The following CSGALNACT1 variants were observed in gnomAD, a reference collection of about 807,000 sequenced individuals.
CSGALNACT1 encodes beta4GalNAcT-1.
A neutral mutation model predicts 51.0 loss-of-function variants in CSGALNACT1; 52 were observed. The ratio of observed to expected loss-of-function variants is 1.02; its 90% CI spans 0.82 to 1.29. CSGALNACT1 has a LOEUF of 1.29. Ranked by LOEUF, CSGALNACT1 falls within the 50% of genes most tolerant of loss-of-function variation. The pLI, the probability that CSGALNACT1 is intolerant of heterozygous loss-of-function variation, is 0.00. For missense variants in CSGALNACT1, 935 were observed against 679.2 expected (o/e 1.38, Z -4.19); for synonymous variants, 341 against 254.4 (o/e 1.34, Z -3.24).
At chr8:19,462,582 G>A (rs904063433) in intron 4 of CSGALNACT1, among the ~76,000 whole-genome samples, 1 of 152,188 alleles carries the variant, frequency 6.6e-6, no homozygotes, top group African/African-American at 2.4e-5. Context: ...CAGGGTGACA[G>A]AGATCCCCAG....
chr8:19,492,306 T>C (rs1265864641), intron 4 of CSGALNACT1, among the ~76,000 whole-genome samples: 1 of 152,210 alleles, frequency 6.6e-6, no homozygotes, highest in Non-Finnish European at 1.5e-5. Flanking sequence ...GCCCTCACGA[T>C]GAAATCAACC....
At chr8:19,735,181 T>G (rs2063904147) in intron 1 of CSGALNACT1, among the ~76,000 whole-genome samples, 1 of 152,132 alleles carries the variant, frequency 6.6e-6, no homozygotes, top group Non-Finnish European at 1.5e-5. Flanking sequence ...CTTGCCCATC[T>G]CAGCATTGGC....
At chr8:19,518,808 T>G (rs988951895) in intron 3 of CSGALNACT1, among the ~76,000 whole-genome samples, 2 of 152,048 alleles carry the variant, frequency 1.3e-5, no homozygotes, top group Non-Finnish European at 2.9e-5. Flanking sequence ...AGATGCTGAG[T>G]GTAGACATCA....
intron 1 of CSGALNACT1, among the ~76,000 whole-genome samples, chr8:19,676,109 A>AAAAAAAAAAT (rs2060171865): frequency 6.7e-6 from 1 of 149,514 alleles, no homozygotes; most frequent in Non-Finnish European, 1.5e-5. Flanking sequence ...AACAAAAAAA[A>AAAAAAAAAAT]CTCCCAGATT....
At chr8:19,549,543 C>T (rs2087394069) in intron 3 of CSGALNACT1, among the ~76,000 whole-genome samples, 1 of 151,950 alleles carries the variant, frequency 6.6e-6, no homozygotes, top group African/African-American at 2.4e-5. Flanking sequence ...ATCCCCTGGT[C>T]CAATCAAGAC....
chr8:19,532,741 C>T (rs976460668), intron 3 of CSGALNACT1, among the ~76,000 whole-genome samples: 2 of 152,178 alleles, frequency 1.3e-5, no homozygotes, highest in African/African-American at 4.8e-5. Flanking sequence ...ATCACAGATA[C>T]ACATGTTCAG....
upstream of CSGALNACT1, among the ~76,000 whole-genome samples, chr8:19,604,745 TAAAAAAA>T (rs36019022): frequency 3.1e-5 from 4 of 130,332 alleles, no homozygotes; most frequent in Non-Finnish European, 4.9e-5. Flanking sequence ...GTCTCTACTT[TAAAAAAA>T]AAAAAAAAAA....
chr8:19,590,367 T>G (rs1248910010), intron 3 of CSGALNACT1, among the ~76,000 whole-genome samples: 1 of 152,236 alleles, frequency 6.6e-6, no homozygotes, highest in Non-Finnish European at 1.5e-5. Context: ...AACATTAGAT[T>G]GAGCTACATT....
Position 19,450,643 on chromosome 8 carries a change from T to A in CSGALNACT1, c.851+7783A>T, listed in dbSNP as rs1398801335. On this transcript the variant is annotated intron_variant, in intron 5 of 9. Coordinates refer to ENST00000454498, the Ensembl canonical transcript of CSGALNACT1. The stretch of plus-strand genomic sequence containing the variant: ...CAGGTACAGTAGCTCACGCCTGTAA[T>A]CCCAACACTTTGGGAGGCTGAGGCA... 3.9e-5 allele frequency among the ~76,000 whole-genome samples: 6 copies of A among 152,280 alleles called. No individual in the cohort carries two copies. The South Asian group carries it at 1.2e-3, about 32-fold the overall frequency.
chr8:19,675,508 C>G (rs1160151747), intron 1 of CSGALNACT1, among the ~76,000 whole-genome samples: 2 of 152,034 alleles, frequency 1.3e-5, no homozygotes, highest in South Asian at 2.1e-4. Flanking sequence ...TCCCTCCCCC[C>G]AGACAGAGTC....
intron 1 of CSGALNACT1, among the ~76,000 whole-genome samples, chr8:19,707,164 G>A (rs2062220434): frequency 6.6e-6 from 1 of 152,110 alleles, no homozygotes; most frequent in African/African-American, 2.4e-5. Context: ...AGCATGGGGT[G>A]TAAACAGGAT....
chr8:19,723,254 C>T (rs753096745), intron 1 of CSGALNACT1, among the ~76,000 whole-genome samples: 3 of 152,136 alleles, frequency 2.0e-5, no homozygotes, highest in Non-Finnish European at 4.4e-5. Flanking sequence ...TTGGGGTATA[C>T]ACCCAAATAA....
chr8:19,508,069 CAGAA>C (rs2077715635), intron 3 of CSGALNACT1, among the ~76,000 whole-genome samples: 1 of 152,214 alleles, frequency 6.6e-6, no homozygotes, highest in African/African-American at 2.4e-5. Context: ...TCACCCGACT[CAGAA>C]AGCCAGATTC....
intron 3 of CSGALNACT1, among the ~76,000 whole-genome samples, chr8:19,567,431 C>A (rs750450541): frequency 6.6e-6 from 1 of 152,176 alleles, no homozygotes; most frequent in Non-Finnish European, 1.5e-5. Context: ...GTGTGACAGA[C>A]AAAGTGTATG....
intron 3 of CSGALNACT1, chr8:19,591,094 G>C (rs1259031670): frequency 3.3e-5 from 5 of 152,198 alleles, no homozygotes; most frequent in Admixed American, 3.3e-4. Context: ...AAATAGGGCA[G>C]AGAATAGGAA....
chr8:19,677,154 G>C (rs557114217), intron 1 of CSGALNACT1, among the ~76,000 whole-genome samples: 1 of 152,156 alleles, frequency 6.6e-6, no homozygotes, highest in Non-Finnish European at 1.5e-5. Flanking sequence ...TGTCACCCAG[G>C]ATGGAATACA....
chr8:19,494,861 G>A (rs541230731), intron 4 of CSGALNACT1, among the ~76,000 whole-genome samples: 1 of 126,444 alleles, frequency 7.9e-6, no homozygotes, highest in Admixed American at 9.9e-5. Flanking sequence ...TCCACCCTAT[G>A]TTCACAGTAA....
At chr8:19,577,429 C>T (rs1469637349) in intron 3 of CSGALNACT1, among the ~76,000 whole-genome samples, 4 of 142,648 alleles carry the variant, frequency 2.8e-5, no homozygotes, top group South Asian at 2.3e-4. Context: ...AGTATGGTGG[C>T]GCACATCTGT....
intron 1 of CSGALNACT1, among the ~76,000 whole-genome samples, chr8:19,666,514 T>C (rs1178052965): frequency 1.3e-5 from 2 of 151,660 alleles, no homozygotes; most frequent in Non-Finnish European, 2.9e-5. Flanking sequence ...GCCATCATGA[T>C]GAAACCCTGT....
Sources: gnomAD v4.1 joint callset for allele counts (sites outside exome capture counted in the v4.1 genomes callset) on GRCh38, gnomAD v4.1.1 for gene constraint, MANE v1.5 for transcripts, NCBI Gene and HGNC (gene_info 2026-07-23, HGNC 2026-07-21) for gene names.